Variants in HIPK1 observed in about 807,000 individuals in gnomAD.
HIPK1 encodes homeodomain interacting protein kinase 1, also known as homeodomain-interacting protein kinase 1.
A neutral mutation model predicts 117.1 loss-of-function variants in HIPK1; 28 were observed. The observed-to-expected ratio is 0.24, with a 90% CI of 0.18 to 0.33. The LOEUF is 0.33. Ranked by LOEUF, HIPK1 falls within the 10% of genes least tolerant of loss-of-function variation. The pLI, the probability that HIPK1 is intolerant of heterozygous loss-of-function variation, is 1.00. For missense variants in HIPK1, 1,122 were observed against 1,475.1 expected (o/e 0.76, Z 3.92); for synonymous variants, 605 against 562.5 (o/e 1.08, Z -1.07).
At chr1:113,970,235 T>G in intron 14 of HIPK1, 38 bp downstream of exon 14, 4 of 1,609,380 alleles carry the variant, frequency 2.5e-6, no homozygotes, top group Non-Finnish European at 3.4e-6. Context: ...GAATTCTCCT[T>G]TGATGTGTGA....
At chr1:113,955,055 ATAG>A (rs1671621701) in intron 4 of HIPK1, among the ~76,000 whole-genome samples, 1 of 152,262 alleles carries the variant, frequency 6.6e-6, no homozygotes, top group Admixed American at 6.5e-5. Flanking sequence ...CTAGAGACAT[ATAG>A]TAATGACTGA....
intron 2 of HIPK1, among the ~76,000 whole-genome samples, chr1:113,951,953 T>C (rs1224238859): frequency 1.3e-5 from 2 of 150,546 alleles, no homozygotes; most frequent in African/African-American, 4.9e-5. Flanking sequence ...GGCTTTTTTT[T>C]TTTTTTTTTG....
At chr1:113,929,810 G>T (rs539788673) in intron 1 of HIPK1, 2 of 983,580 alleles carry the variant, frequency 2.0e-6, no homozygotes, top group Admixed American at 6.2e-5. Flanking sequence ...GCTCCGGGGG[G>T]CGGGGGCCGG....
intron 11 of HIPK1, among the ~76,000 whole-genome samples, chr1:113,967,366 T>TC (rs1170970695): frequency 6.6e-6 from 1 of 152,218 alleles, no homozygotes; most frequent in Admixed American, 6.5e-5. Flanking sequence ...TTCCCTTTTT[T>TC]CCATATCCTT....
intron 9 of HIPK1, 100 bp from the exon 10 acceptor site, chr1:113,963,287 G>T: frequency 7.4e-7 from 1 of 1,358,134 alleles, no homozygotes; most frequent in Non-Finnish European, 1.0e-6. Context: ...TCAAATTACT[G>T]TTCATTGTCA....
chr1:113,956,092 TGA>T (rs1671700807), intron 5 of HIPK1, among the ~76,000 whole-genome samples: 1 of 134,340 alleles, frequency 7.4e-6, no homozygotes. Context: ...TTTTTTTTTT[TGA>T]GACAGAGTCT....
At chr1:113,972,722 G>A (rs1672920461) in intron 15 of HIPK1, among the ~76,000 whole-genome samples, 1 of 152,096 alleles carries the variant, frequency 6.6e-6, no homozygotes, top group Non-Finnish European at 1.5e-5. Context: ...GCCAGAATAG[G>A]GTGAGTTGAG....
chr1:113,955,778 A>G, intron 5 of HIPK1, 129 bp downstream of exon 5: 1 of 551,702 alleles, frequency 1.8e-6, no homozygotes, highest in Non-Finnish European at 3.3e-6. Context: ...AAAATGCATT[A>G]ATATTCCACC....
intron 1 of HIPK1, among the ~76,000 whole-genome samples, chr1:113,939,697 G>GC (rs1301743726): frequency 6.6e-6 from 1 of 152,034 alleles, no homozygotes; most frequent in Non-Finnish European, 1.5e-5. Context: ...TTACTATAGA[G>GC]CCCCAAGGCA....
intron 1 of HIPK1, among the ~76,000 whole-genome samples, chr1:113,936,103 T>C (rs1240002212): frequency 6.6e-6 from 1 of 152,212 alleles, no homozygotes; most frequent in Non-Finnish European, 1.5e-5. Flanking sequence ...TCTAGGCCAT[T>C]GTGATTCTGT....
rs767992651 is a variant in HIPK1 at position 113,973,410 on chromosome 1, C to G, written c.3531C>G (p.His1177Gln). The part of the protein sequence containing the change: ...SASVAPAQYQ[H>Q]QFATQSYIGS... ...GCGTGGCCCCTGCTCAGTACCAACA[C>G]CAGTTTGCCACCCAATCCTACATTG... is the stretch of plus-strand genomic sequence containing the variant. Residue 1177 changes from histidine (H) to glutamine (Q), a missense_variant, in exon 16 of 16, where the codon CAC becomes CAG. Coordinates refer to ENST00000426820, the MANE Select transcript of HIPK1 (RefSeq NM_198268.3). The G allele has an allele frequency of 6.2e-7, 1 of 1,614,162 alleles. No homozygotes were observed. Among genetic ancestry groups the G allele is most frequent in the Non-Finnish European group, 8.5e-7 (1 of 1,180,006 alleles).
chr1:113,961,998 G>T (rs1672155329), intron 8 of HIPK1, among the ~76,000 whole-genome samples: 1 of 139,672 alleles, frequency 7.2e-6, no homozygotes, highest in Non-Finnish European at 1.6e-5. Context: ...ACTAAGTGAA[G>T]ATTTTTTTGT....
At chr1:113,942,100 C>T (rs1463065467) in intron 2 of HIPK1, among the ~76,000 whole-genome samples, 1 of 148,844 alleles carries the variant, frequency 6.7e-6, no homozygotes, top group Non-Finnish European at 1.5e-5. Flanking sequence ...CACTTGCCAC[C>T]CAGGCTAGAG....
chr1:113,933,150 TAAATC>T (rs1271894309), intron 1 of HIPK1: 3 of 984,390 alleles, frequency 3.0e-6, no homozygotes, highest in Non-Finnish European at 3.6e-6. Context: ...TCATTCCAAA[TAAATC>T]TAAGTGAACT....
At position 113,957,280 on chromosome 1, in the gene HIPK1, C is replaced by T; in HGVS notation, c.1749C>T (p.His583=). ...TCAGCAATCAGCTCAATACAGTGCACAATCAGGTATTCAATAAATAATTTT... is the reference window on the plus strand; with the variant it reads ...TCAGCAATCAGCTCAATACAGTGCATAATCAGGTATTCAATAAATAATTTT... The part of the protein sequence containing the change: ...MSFSNQLNTV[H]NQASVLASSS... The change falls in exon 7 of 16, where the codon CAC becomes CAT. Residue 583 remains histidine (H), a synonymous_variant. Transcript: ENST00000426820. 1.2e-6 allele frequency: 2 copies of T among 1,608,974 alleles called. No individual in the cohort carries two copies. Among genetic ancestry groups the T allele is most frequent in the Non-Finnish European group, 1.7e-6 (2 of 1,177,014 alleles).
At chr1:113,956,066 C>T (rs1167343645) in intron 5 of HIPK1, among the ~76,000 whole-genome samples, 1 of 140,188 alleles carries the variant, frequency 7.1e-6, no homozygotes, top group Non-Finnish European at 1.5e-5. Context: ...CTACTTGTTC[C>T]ATTTTTTTTT....
intron 2 of HIPK1, among the ~76,000 whole-genome samples, chr1:113,948,802 C>A (rs1306808902): frequency 1.3e-5 from 2 of 151,716 alleles, no homozygotes; most frequent in African/African-American, 2.4e-5. Flanking sequence ...TCCCAGAAAA[C>A]TTTAAGCTCG....
chr1:113,948,628 C>T (rs1422248315), intron 2 of HIPK1, among the ~76,000 whole-genome samples: 1 of 150,448 alleles, frequency 6.6e-6, no homozygotes, highest in South Asian at 2.1e-4. Context: ...AAGGTAGATA[C>T]GGTAGAGTTG....
chr1:113,950,722 C>T (rs1671301337), intron 2 of HIPK1, among the ~76,000 whole-genome samples: 1 of 152,160 alleles, frequency 6.6e-6, no homozygotes, highest in African/African-American at 2.4e-5. Context: ...AGGCTGTTCT[C>T]GAACTCGTGA....
Sources: gnomAD v4.1 joint callset for allele counts (sites outside exome capture counted in the v4.1 genomes callset) on GRCh38, gnomAD v4.1.1 for gene constraint, MANE v1.5 for transcripts, NCBI Gene and HGNC (gene_info 2026-07-23, HGNC 2026-07-21) for gene names.